Variants in BCAT1 observed in about 807,000 individuals in gnomAD.
BCAT1 encodes branched-chain-amino-acid aminotransferase, cytosolic.
Under a neutral mutation model 52.4 loss-of-function variants are expected in BCAT1, and 48 were observed. That is an observed-to-expected ratio of 0.92 (90% CI 0.73 to 1.16). The LOEUF (loss-of-function observed/expected upper bound fraction) is 1.16, where lower values mean the gene tolerates loss of function less well. Ranked by LOEUF, BCAT1 falls within the 50% of genes most tolerant of loss-of-function variation. The pLI, the probability that BCAT1 is intolerant of heterozygous loss-of-function variation, is 0.00. For synonymous variants in BCAT1, 167 were observed against 161.3 expected (o/e 1.04, Z -0.27); for missense variants, 451 against 457.1 (o/e 0.99, Z 0.12).
chr12:24,853,575 C>T (rs112694152), intron 5 of BCAT1, among the ~76,000 whole-genome samples: 2 of 152,142 alleles, frequency 1.3e-5, no homozygotes, highest in Admixed American at 6.5e-5. Context: ...CAAACTTGCA[C>T]ATGTAACTCC....
At chr12:24,850,004 T>TA (rs1941459920) in intron 5 of BCAT1, 55 bp from the exon 6 acceptor site, 1 of 1,459,996 alleles carries the variant, frequency 6.8e-7, no homozygotes, top group African/African-American at 1.4e-5. Flanking sequence ...ACACCAGTCT[T>TA]AAAGTCTAGA....
At chr12:24,869,619 T>C (rs12310054) in intron 5 of BCAT1, among the ~76,000 whole-genome samples, 24,419 of 152,058 alleles carry the variant, frequency 0.16, 2,021 homozygotes, top group East Asian at 0.22. Flanking sequence ...CCTAGGTAAA[T>C]ACCAAAGAGA....
intron 7 of BCAT1, among the ~76,000 whole-genome samples, chr12:24,840,710 T>A (rs138632445): frequency 1.4e-3 from 212 of 152,332 alleles, no homozygotes; most frequent in African/African-American, 5.0e-3. Flanking sequence ...AGCTCTGAAT[T>A]CAGCCACATC....
At chr12:24,929,247 G>A (rs66500667) in intron 1 of BCAT1, among the ~76,000 whole-genome samples, 12,656 of 152,202 alleles carry the variant, frequency 0.083, 743 homozygotes, top group African/African-American at 0.17. Flanking sequence ...TTTGGGATCC[G>A]TGTTTCCCTA....
intron 1 of BCAT1, among the ~76,000 whole-genome samples, chr12:24,934,995 T>TTC (rs1044982848): frequency 1.3e-5 from 2 of 151,986 alleles, no homozygotes; most frequent in Non-Finnish European, 2.9e-5. Context: ...ATTCTTCTTC[T>TTC]TCTCTCTCTC....
chr12:24,839,825 T>C (rs1406494479), intron 7 of BCAT1, among the ~76,000 whole-genome samples: 2 of 152,214 alleles, frequency 1.3e-5, no homozygotes, highest in Admixed American at 6.5e-5. Context: ...ACTCGTTTGT[T>C]CATTGTATTT....
Position 24,901,807 on chromosome 12 carries a change from A to G in BCAT1, c.78+7T>C, listed in dbSNP as rs763035882. On this transcript the variant is annotated splice_region_variant and intron_variant, in intron 2 of 10. Transcript: ENST00000261192. Reference sequence around the variant, plus strand: ...TTTAGACACTAAGCCTCTGGCAAGCAACTTACCTTAAAAGTCCCCACCACC... The same window carrying G: ...TTTAGACACTAAGCCTCTGGCAAGCGACTTACCTTAAAAGTCCCCACCACC... 2.2e-5 allele frequency: 35 copies of G among 1,612,840 alleles called. No homozygotes were observed. In the African/African-American group the frequency reaches 4.4e-4, roughly 20 times the overall value.
chr12:24,902,933 C>G (rs1480892307), intron 1 of BCAT1: 11 of 1,510,952 alleles, frequency 7.3e-6, no homozygotes, highest in South Asian at 1.2e-5. Flanking sequence ...CGCAAACGCC[C>G]GGGTTCGAGG....
chr12:24,887,080 A>AAAAAAAAAAT (rs1245203518), intron 3 of BCAT1, among the ~76,000 whole-genome samples: 472 of 40,682 alleles, frequency 0.012, 25 homozygotes, highest in Non-Finnish European at 0.022. Context: ...AAAAAAAAAA[A>AAAAAAAAAAT]ATATATATAT....
rs76085924 is a variant in BCAT1, at chr12:24,846,324, T to C, written c.674+3462A>G. Reference sequence around the variant, plus strand: ...AATTTTCCCAGAGTTCTCTCACAGGTGTAAGCTGTATTATTAATGTCCACA... The same window carrying C: ...AATTTTCCCAGAGTTCTCTCACAGGCGTAAGCTGTATTATTAATGTCCACA... On this transcript the variant is annotated intron_variant, in intron 6 of 10. Transcript: ENST00000261192. 7.5e-3 allele frequency among the ~76,000 whole-genome samples: 1,140 copies of C among 152,304 alleles called. 9 individuals carry two copies. Among genetic ancestry groups the C allele is most frequent in the African/African-American group, 0.027 (1,103 of 41,554 alleles).
At chr12:24,871,267 A>AT (rs1565474546) in intron 5 of BCAT1, among the ~76,000 whole-genome samples, 2 of 152,064 alleles carry the variant, frequency 1.3e-5, no homozygotes, top group Admixed American at 1.3e-4. Flanking sequence ...GGGTTGTATG[A>AT]TTTTCCAGCT....
chr12:24,877,439 G>T (rs1942378386), intron 5 of BCAT1, among the ~76,000 whole-genome samples: 1 of 152,170 alleles, frequency 6.6e-6, no homozygotes, highest in East Asian at 1.9e-4. Flanking sequence ...AAAAGGCCTT[G>T]GCCCCTCCAG....
intron 8 of BCAT1, among the ~76,000 whole-genome samples, chr12:24,833,220 G>A (rs1481548547): frequency 1.3e-5 from 2 of 152,052 alleles, no homozygotes; most frequent in African/African-American, 2.4e-5. Flanking sequence ...TGCATGCTCC[G>A]TGTTAACAGT....
At position 24,881,418 on chromosome 12, in the gene BCAT1, A is replaced by G. The variant is rs745359105; in HGVS notation, c.280-7T>C. 45 of 1,578,236 alleles carry G rather than the reference A, an allele frequency of 2.9e-5. No individual in the cohort carries two copies. The East Asian group carries it at 9.4e-4, about 33-fold the overall frequency. Reference sequence around the variant, plus strand: ...CCTTCAATCCTTCAAATAACTGGAGATCAAAGAGAAAAAATCTTAGAGGGT... The same window carrying G: ...CCTTCAATCCTTCAAATAACTGGAGGTCAAAGAGAAAAAATCTTAGAGGGT... On this transcript the variant is annotated splice_region_variant and splice_polypyrimidine_tract_variant and intron_variant, in intron 3 of 10. Transcript: ENST00000261192.
At chr12:24,830,560 T>C (rs1940618356) in intron 9 of BCAT1, 2 of 152,228 alleles carry the variant, frequency 1.3e-5, no homozygotes, top group Non-Finnish European at 2.9e-5. Context: ...TTTTAGGAGA[T>C]AGTCTGTGCT....
intron 1 of BCAT1, among the ~76,000 whole-genome samples, chr12:24,930,297 C>A (rs943156399): frequency 2.6e-5 from 4 of 152,242 alleles, no homozygotes; most frequent in Admixed American, 6.5e-5. Context: ...GCCTCTGACC[C>A]CTGGGGTCTC....
At chr12:24,932,371 C>T (rs1943688298) in intron 1 of BCAT1, among the ~76,000 whole-genome samples, 1 of 152,174 alleles carries the variant, frequency 6.6e-6, no homozygotes. Flanking sequence ...GCATGGGACA[C>T]TCTTACCTCC....
intron 1 of BCAT1, among the ~76,000 whole-genome samples, chr12:24,939,499 AC>A (rs748912570): frequency 6.6e-6 from 1 of 152,174 alleles, no homozygotes; most frequent in Non-Finnish European, 1.5e-5. Context: ...TAAATACAAC[AC>A]TTCGGAAATA....
chr12:24,894,274 C>G lies in BCAT1; in HGVS notation c.279+1G>C. 6.2e-7 allele frequency: 1 copy of G among 1,612,938 alleles called. No individual in the cohort carries two copies. Among genetic ancestry groups the G allele is most frequent in the Non-Finnish European group, 8.5e-7 (1 of 1,179,030 alleles). On this transcript the variant is annotated splice_donor_variant, in intron 3 of 10. Coordinates refer to ENST00000261192, the MANE Select transcript of BCAT1 (RefSeq NM_005504.7). LOFTEE classifies it high-confidence loss of function. ...ACTCTCTTTAATTCCCATGTACTTACTTCCACTGCATAGTGCAAAGCTGAT... is the reference window on the plus strand; with the variant it reads ...ACTCTCTTTAATTCCCATGTACTTAGTTCCACTGCATAGTGCAAAGCTGAT...
Sources: allele counts gnomAD v4.1 joint callset (sites outside exome capture counted in the v4.1 genomes callset), GRCh38; gene constraint gnomAD v4.1.1; transcripts MANE v1.5; gene names NCBI Gene and HGNC (gene_info 2026-07-23, HGNC 2026-07-21).